The following RGS12 variants were observed in gnomAD, a reference collection of about 807,000 sequenced individuals.
RGS12 encodes regulator of G protein signaling 12, also known as regulator of G-protein signaling 12.
RGS12 carries 66 observed loss-of-function variants against 120.1 expected under a neutral mutation model. The observed-to-expected ratio is 0.55, with a 90% CI of 0.45 to 0.67. RGS12 has a LOEUF of 0.67. Among genes scored for constraint, RGS12 ranks in the 30% least tolerant of loss-of-function variants. RGS12 has a pLI of 0.00. For missense variants in RGS12, 1,859 were observed against 1,957.7 expected, an observed-to-expected ratio of 0.95 and a Z score of 0.95; for synonymous variants, 827 against 804.7, an observed-to-expected ratio of 1.03 and a Z score of -0.47.
chr4:3,391,825 G>T (rs1025544849), intron 4 of RGS12, among the ~76,000 whole-genome samples: 2 of 151,952 alleles, frequency 1.3e-5, no homozygotes, highest in Admixed American at 1.3e-4. Context: ...CTGCCTGGGT[G>T]CTCCAGGGAA....
intron 12 of RGS12, among the ~76,000 whole-genome samples, 156 bp from the exon 13 acceptor site, chr4:3,423,359 G>T (rs538981338): frequency 3.9e-5 from 6 of 152,216 alleles, no homozygotes; most frequent in Admixed American, 6.5e-5. Context: ...CTTTTCCCAC[G>T]TGGAGGAAGG....
rs541404354 is a variant in RGS12, at chr4:3,335,025, C to T, written c.1882-7912C>T. Among the ~76,000 whole-genome samples, 283 of 152,264 alleles carry T rather than the reference C, an allele frequency of 1.9e-3. 3 individuals are homozygous for T. The highest frequency in any genetic ancestry group is 6.6e-3 in the African/African-American group (274 of 41,542). On this transcript the variant is annotated intron_variant, in intron 2 of 17. Transcript: ENST00000336727. Reference sequence around the variant, plus strand: ...CTTAGTCCACACCCACCTCCTTTACCGGTGAAGAAATTATGTGCTTTGTTT... The same window carrying T: ...CTTAGTCCACACCCACCTCCTTTACTGGTGAAGAAATTATGTGCTTTGTTT...
intron 3 of RGS12, among the ~76,000 whole-genome samples, chr4:3,379,621 C>T (rs1718061217): frequency 6.6e-6 from 1 of 152,084 alleles, no homozygotes. Context: ...CTGGGGAGGC[C>T]TCAGGGAACT....
In RGS12 at chr4:3,303,351, C is replaced by T. The variant is rs1227297804; in HGVS notation, c.-102+10252C>T. Among the ~76,000 whole-genome samples, 3 of 152,214 alleles carry T rather than the reference C, an allele frequency of 2.0e-5. No individual in the cohort carries two copies. The East Asian group carries it at 5.8e-4, about 29-fold the overall frequency. On this transcript the variant is annotated intron_variant, in intron 1 of 17. Coordinates refer to ENST00000336727, the MANE Select transcript of RGS12 (RefSeq NM_001394154.1). ...CTAGGCAGGGAGGATGTGGGAGGGCCTCCGACTGGATGGGGACACAGGTGA... is the reference window on the plus strand; with the variant it reads ...CTAGGCAGGGAGGATGTGGGAGGGCTTCCGACTGGATGGGGACACAGGTGA...
chr4:3,304,840 A>G (rs1392087823), intron 1 of RGS12, among the ~76,000 whole-genome samples: 1 of 152,210 alleles, frequency 6.6e-6, no homozygotes, highest in East Asian at 1.9e-4. Context: ...ATTTTGCATC[A>G]CGTGGCACGT....
chr4:3,349,512 A>C (rs1429698489), intron 3 of RGS12, among the ~76,000 whole-genome samples: 1 of 152,036 alleles, frequency 6.6e-6, no homozygotes, highest in East Asian at 1.9e-4. Context: ...TTTTGAAACA[A>C]ATTTTAAATA....
intron 4 of RGS12, among the ~76,000 whole-genome samples, chr4:3,402,276 C>T (rs1467604162): frequency 1.3e-5 from 2 of 152,212 alleles, no homozygotes; most frequent in Non-Finnish European, 2.9e-5. Context: ...GCCACCATGG[C>T]TGAGAGCATC....
intron 3 of RGS12, among the ~76,000 whole-genome samples, chr4:3,379,044 TG>T (rs1203252473): frequency 1.4e-5 from 2 of 137,990 alleles, no homozygotes; most frequent in Admixed American, 1.5e-4. Context: ...TGTGTGTGTG[TG>T]TTTAGAGAGA....
Position 3,390,601 on chromosome 4 carries a change from G to C in RGS12, c.2020+4164G>C, listed in dbSNP as rs905976319. 1.3e-5 allele frequency among the ~76,000 whole-genome samples: 2 copies of C among 152,240 alleles called. No homozygotes were observed. Among genetic ancestry groups the C allele is most frequent in the African/African-American group, 2.4e-5 (1 of 41,462 alleles). On this transcript the variant is annotated intron_variant, in intron 4 of 17. Transcript: ENST00000336727. The surrounding 1 kb of genome is among the most constrained non-coding windows in gnomAD (Gnocchi z 4.6). ...CTGGGCTGCTCTGCGCGCCTGCCAGGCTCTTCCAGTGCCTTCACCCAACAC... is the reference window on the plus strand; with the variant it reads ...CTGGGCTGCTCTGCGCGCCTGCCAGCCTCTTCCAGTGCCTTCACCCAACAC...
intron 12 of RGS12, 93 bp downstream of exon 12, chr4:3,423,071 G>C: frequency 9.7e-7 from 1 of 1,027,780 alleles, no homozygotes; most frequent in South Asian, 1.3e-5. Context: ...CGGGCGGCCT[G>C]TGGATGCTCC....
At chr4:3,337,182 T>C (rs1578758406) in intron 2 of RGS12, among the ~76,000 whole-genome samples, 1 of 152,256 alleles carries the variant, frequency 6.6e-6, no homozygotes, top group East Asian at 1.9e-4. Flanking sequence ...ATGGCTACTA[T>C]AAAACAACTG....
chr4:3,394,080 T>C (rs1346370154), intron 4 of RGS12, among the ~76,000 whole-genome samples: 1 of 152,164 alleles, frequency 6.6e-6, no homozygotes, highest in Admixed American at 6.5e-5. Flanking sequence ...TCAGAGCACC[T>C]GCGACTGACC....
rs981913883 is a variant in RGS12, at chr4:3,316,455, T to C, written c.285T>C (p.Ile95=). ...GKCSGVLHMV[I]AEGVGRFESC... The stretch of plus-strand genomic sequence containing the variant: ...GCTCTGGTGTCCTTCACATGGTGAT[T>C]GCTGAAGGCGTCGGCCGCTTCGAAT... Residue 95 remains isoleucine (I), a synonymous_variant, in exon 2 of 18, where the codon ATT becomes ATC. Coordinates refer to ENST00000336727, the MANE Select transcript of RGS12 (RefSeq NM_001394154.1). 3 of 1,614,054 alleles carry C rather than the reference T, an allele frequency of 1.9e-6. No homozygotes were observed. The highest frequency in any genetic ancestry group is 2.5e-6 in the Non-Finnish European group (3 of 1,180,054).
chr4:3,341,213 A>G, intron 2 of RGS12, among the ~76,000 whole-genome samples: 1 of 74,380 alleles, frequency 1.3e-5, no homozygotes, highest in Non-Finnish European at 2.6e-5. Flanking sequence ...GGCAGGGACA[A>G]GGGTCGAGAG....
chr4:3,318,431 C>A (rs1481457267), intron 2 of RGS12, among the ~76,000 whole-genome samples: 1 of 152,210 alleles, frequency 6.6e-6, no homozygotes, highest in Non-Finnish European at 1.5e-5. Flanking sequence ...TAGGTCTGAC[C>A]CCAGAATCTT....
chr4:3,409,903 A>G (rs1450687254), intron 4 of RGS12, among the ~76,000 whole-genome samples: 1 of 152,162 alleles, frequency 6.6e-6, no homozygotes. Context: ...CCAGGCAGCC[A>G]GAGGGACCCT....
chr4:3,313,492 C>T (rs1724539237), intron 1 of RGS12, among the ~76,000 whole-genome samples: 1 of 152,192 alleles, frequency 6.6e-6, no homozygotes, highest in Non-Finnish European at 1.5e-5. Context: ...CAAAGTGATT[C>T]CCCCTTGTAT....
intron 4 of RGS12, among the ~76,000 whole-genome samples, chr4:3,410,749 A>G (rs879308742): frequency 6.6e-6 from 1 of 152,222 alleles, no homozygotes; most frequent in Admixed American, 6.5e-5. Flanking sequence ...GCTTAGGCTC[A>G]TGGCTGGCGT....
chr4:3,415,932 G>A lies in RGS12; in HGVS notation c.2284-46G>A, dbSNP rs766615782. On this transcript the variant is annotated intron_variant, in intron 6 of 17. Transcript: ENST00000336727. The stretch of plus-strand genomic sequence containing the variant: ...GGGCCTTGGCAGGCAGCAGGAGTGC[G>A]GGGAGAGGAAGCCTTGCCGGGCTGC... 1.1e-5 allele frequency: 17 copies of A among 1,567,504 alleles called. No homozygotes were observed. In the Admixed American group the frequency reaches 1.6e-4, roughly 15 times the overall value.
Sources: allele counts gnomAD v4.1 joint callset (sites outside exome capture counted in the v4.1 genomes callset), GRCh38; gene constraint gnomAD v4.1.1; non-coding constraint Gnocchi (gnomAD v3.1); transcripts MANE v1.5; gene names NCBI Gene and HGNC (gene_info 2026-07-23, HGNC 2026-07-21).